The following SETD1B variants were observed in gnomAD, a reference collection of about 807,000 sequenced individuals.
SETD1B encodes the protein histone-lysine N-methyltransferase SETD1B.
Under a neutral mutation model 148.0 loss-of-function variants are expected in SETD1B, and 7 were observed. The observed-to-expected ratio is 0.05, with a 90% CI of 0.03 to 0.09. The LOEUF is 0.09. SETD1B is among the 10% of genes least tolerant of loss of function. The pLI, the probability that SETD1B is intolerant of heterozygous loss-of-function variation, is 1.00. For missense variants in SETD1B, 2,155 were observed against 2,729.9 expected (o/e 0.79, Z 4.69); for synonymous variants, 1,361 against 1,186.5 (o/e 1.15, Z -3.02).
At chr12:121,807,907 G>C (rs967150183) in intron 4 of SETD1B, among the ~76,000 whole-genome samples, 11 of 150,496 alleles carry the variant, frequency 7.3e-5, no homozygotes, top group Admixed American at 1.3e-4. Context: ...ATGCAGGGGT[G>C]GGGGGGGGCT....
chr12:121,793,123 CG>C, the SETD1B span: 4 of 1,541,338 alleles, frequency 2.6e-6, no homozygotes, highest in African/African-American at 5.5e-5. Context: ...GGCGGACCCT[CG>C]GGCCCCCCGG....
In SETD1B at chr12:121,814,297, A is replaced by C. The variant is rs1180972430; in HGVS notation, c.2082A>C (p.Pro694=). The C allele has an allele frequency of 1.6e-4, 78 of 475,942 alleles. No homozygotes were observed. Among genetic ancestry groups the C allele is most frequent in the South Asian group, 3.5e-4 (9 of 25,954 alleles). The allele number at this position is 475,942 out of a possible 1,614,324, so 29.5% of individuals were successfully genotyped here. A position where few individuals can be genotyped will look rare whatever the true frequency, so the allele number is the denominator to read the frequency against. ...GCTTCCCCCCGCTGCCCCCCCCACCACCACCACCCCCACCGCAGCCTGGCT... is the reference window on the plus strand; with the variant it reads ...GCTTCCCCCCGCTGCCCCCCCCACCCCCACCACCCCCACCGCAGCCTGGCT... ...PPGFPPLPPP[P]PPPPPQPGFP... Residue 694 remains proline (P), a synonymous_variant, in exon 7 of 17, where the codon CCA becomes CCC. Transcript: ENST00000604567.
chr12:121,804,991 C>T lies in SETD1B; in HGVS notation c.174+80C>T, dbSNP rs1875654447. On this transcript the variant is annotated intron_variant, in intron 2 of 16. Transcript: ENST00000604567. The surrounding 1 kb of genome is among the most constrained non-coding windows in gnomAD (Gnocchi z 4.6). Reference sequence around the variant, plus strand: ...CGCCTAGCGGCCAGGGACCCCCCGCCCGATCCCCCGGCCAACTGTCAGACG... The same window carrying T: ...CGCCTAGCGGCCAGGGACCCCCCGCTCGATCCCCCGGCCAACTGTCAGACG... The T allele has an allele frequency of 6.8e-7, 1 of 1,460,504 alleles. No homozygotes were observed. The highest frequency in any genetic ancestry group is 9.2e-7 in the Non-Finnish European group (1 of 1,089,480). The allele number at this position is 1,460,504 out of a possible 1,614,324, so 90.5% of individuals were successfully genotyped here. A position where few individuals can be genotyped will look rare whatever the true frequency, so the allele number is the denominator to read the frequency against.
At chr12:121,815,288 A>G (rs559053265) in intron 7 of SETD1B, among the ~76,000 whole-genome samples, 2 of 152,306 alleles carry the variant, frequency 1.3e-5, no homozygotes, top group South Asian at 4.1e-4. Context: ...ATTAACTTAA[A>G]TGAATTAAAA....
At chr12:121,812,008 C>T (rs966674571) in intron 6 of SETD1B, among the ~76,000 whole-genome samples, 5 of 152,188 alleles carry the variant, frequency 3.3e-5, no homozygotes, top group African/African-American at 1.2e-4. Context: ...ACCATGCTGA[C>T]CACGGTCCAG....
At chr12:121,806,814 A>T (rs1162332901) in intron 4 of SETD1B, among the ~76,000 whole-genome samples, 1 of 152,218 alleles carries the variant, frequency 6.6e-6, no homozygotes, top group Non-Finnish European at 1.5e-5. Context: ...TGGGGAGGCC[A>T]TACCTCCCAC....
At chr12:121,797,887 T>C in the SETD1B span, 4 of 331,298 alleles carry the variant, frequency 1.2e-5, no homozygotes, top group African/African-American at 8.7e-5. Flanking sequence ...TTTCGCCCTC[T>C]TGCTGTACTT....
At chr12:121,798,053 G>A in the SETD1B span, among the ~76,000 whole-genome samples, 1 of 152,220 alleles carries the variant, frequency 6.6e-6, no homozygotes, top group Non-Finnish European at 1.5e-5. Flanking sequence ...CCCGGGCAGG[G>A]ATGCCAGCAG....
intron 16 of SETD1B, 98 bp downstream of exon 16, chr12:121,828,168 C>T (rs746230129): frequency 4.0e-5 from 59 of 1,463,852 alleles, no homozygotes; most frequent in Non-Finnish European, 4.8e-5. Flanking sequence ...GGAATCAGCT[C>T]GGCCTCCTTC....
In SETD1B at chr12:121,809,978, G is replaced by A. The variant is rs566347570; in HGVS notation, c.1033G>A (p.Ala345Thr). The A allele has an allele frequency of 5.8e-6, 9 of 1,550,828 alleles. No homozygotes were observed. The highest frequency in any genetic ancestry group is 3.3e-4 in the Middle Eastern group (2 of 5,990). Reference sequence around the variant, plus strand: ...CACTGCGGTGGCCGGGGCCACAGCCGCTTTCCGGGGTTCCTCGGACCTCCC... The same window carrying A: ...CACTGCGGTGGCCGGGGCCACAGCCACTTTCCGGGGTTCCTCGGACCTCCC... Reference protein sequence around the residue: ...AVTAVAGATAAFRGSSDLPFG... With the variant: ...AVTAVAGATATFRGSSDLPFG... Residue 345 changes from alanine (A) to threonine (T), a missense_variant, in exon 6 of 17, where the codon GCT (alanine) becomes ACT (threonine). This residue lies in a region of SETD1B where 376 missense variants were observed against 385.0 expected (regional missense o/e 0.98). Coordinates refer to ENST00000604567, the MANE Select transcript of SETD1B (RefSeq NM_001353345.2).
chr12:121,815,497 T>G (rs1876249192), intron 7 of SETD1B, among the ~76,000 whole-genome samples: 1 of 151,992 alleles, frequency 6.6e-6, no homozygotes, highest in South Asian at 2.1e-4. Flanking sequence ...AGCCCTGTCT[T>G]GGACCACTTT....
chr12:121,808,397 CTCT>C lies in SETD1B; in HGVS notation c.657+79_657+81del. The C allele has an allele frequency of 1.1e-6, 1 of 944,964 alleles. No individual in the cohort carries two copies. The highest frequency in any genetic ancestry group is 1.6e-6 in the Non-Finnish European group (1 of 615,194). The allele number at this position is 944,964 out of a possible 1,614,324, so 58.5% of individuals were successfully genotyped here. A position where few individuals can be genotyped will look rare whatever the true frequency, so the allele number is the denominator to read the frequency against. On this transcript the variant is annotated intron_variant, in intron 5 of 16. Transcript: ENST00000604567. The surrounding 1 kb of genome is among the most constrained non-coding windows in gnomAD (Gnocchi z 5.3). ...CCACCTCTGGAAAGCCTCACCAACT[CTCT>C]TATGGGACCCCCAGCCTACCCCCAC...
Position 121,804,543 on chromosome 12 carries a change from C to T in SETD1B, c.-14-181C>T, listed in dbSNP as rs903625717. Among the ~76,000 whole-genome samples the T allele has an allele frequency of 8.0e-5, 12 of 150,728 alleles. No individual in the cohort carries two copies. The highest frequency in any genetic ancestry group is 2.7e-4 in the African/African-American group (11 of 41,006). On this transcript the variant is annotated intron_variant, in intron 1 of 16. Coordinates refer to ENST00000604567, the MANE Select transcript of SETD1B (RefSeq NM_001353345.2). The surrounding 1 kb of genome is among the most constrained non-coding windows in gnomAD (Gnocchi z 4.6). ...CGAGCGGGCGGGCGCGTAATTCTCC[C>T]GGAAGGGTTATTCTCTCGCTCCATT...
chr12:121,817,916 G>C lies in SETD1B; in HGVS notation c.3418+12G>C, dbSNP rs1346358067. On this transcript the variant is annotated intron_variant, in intron 10 of 16. Transcript: ENST00000604567. This position sits in a 1 kb window ranked among gnomAD's most constrained non-coding sequence, Gnocchi z 8.1. Reference sequence around the variant, plus strand: ...GGACTCGGATGAAGGTGAGCAGGGAGGCCGTGGCTGCCTGGCCCTCCCGGA... The same window carrying C: ...GGACTCGGATGAAGGTGAGCAGGGACGCCGTGGCTGCCTGGCCCTCCCGGA... 6.6e-7 allele frequency: 1 copy of C among 1,525,222 alleles called. No homozygotes were observed. Among genetic ancestry groups the C allele is most frequent in the East Asian group, 2.5e-5 (1 of 40,512 alleles). The allele number at this position is 1,525,222 out of a possible 1,614,324, so 94.5% of individuals were successfully genotyped here.
intron 4 of SETD1B, among the ~76,000 whole-genome samples, chr12:121,807,564 CTT>C (rs1412950208): frequency 6.6e-6 from 1 of 151,952 alleles, no homozygotes; most frequent in East Asian, 1.9e-4. Context: ...AGGAACGTGT[CTT>C]TTTTGCATAT....
chr12:121,825,150 GAC>G, intron 12 of SETD1B, 48 bp from the exon 13 acceptor site: 1 of 1,536,378 alleles, frequency 6.5e-7, no homozygotes, highest in Non-Finnish European at 8.8e-7. Context: ...TCTATGAAGG[GAC>G]CAGAAGGGGC....
rs1875865649 is a variant in SETD1B, at chr12:121,808,714, C to T, written c.657+394C>T. Among the ~76,000 whole-genome samples, 1 of 152,210 alleles carries T rather than the reference C, an allele frequency of 6.6e-6. No homozygotes were observed. The highest frequency in any genetic ancestry group is 6.5e-5 in the Admixed American group (1 of 15,286). ...TGCCACTACCCCTAAACCCAGAAAC[C>T]AGAGTTCATGCCCTGCCTTCCAGAG... On this transcript the variant is annotated intron_variant, in intron 5 of 16. Transcript: ENST00000604567. This position sits in a 1 kb window ranked among gnomAD's most constrained non-coding sequence, Gnocchi z 5.3.
Position 121,810,442 on chromosome 12 carries a change from G to T in SETD1B, c.1497G>T (p.Leu499=). 1 of 1,549,254 alleles carries T rather than the reference G, an allele frequency of 6.5e-7. No homozygotes were observed. The highest frequency in any genetic ancestry group is 1.2e-5 in the South Asian group (1 of 84,070). ...PAGPEKPHDS[L]DSRIEMLLKE... ...GGCCAGAGAAACCCCACGACAGCCTGGACTCGCGCATCGAGATGCTGCTGA... is the reference window on the plus strand; with the variant it reads ...GGCCAGAGAAACCCCACGACAGCCTTGACTCGCGCATCGAGATGCTGCTGA... The change falls in exon 6 of 17, where the codon CTG becomes CTT. Residue 499 remains leucine (L), a synonymous_variant. Coordinates refer to ENST00000604567, the MANE Select transcript of SETD1B (RefSeq NM_001353345.2). The surrounding 1 kb of genome is among the most constrained non-coding windows in gnomAD (Gnocchi z 7.6).
chr12:121,793,799 C>T, the SETD1B span: 3 of 559,762 alleles, frequency 5.4e-6, no homozygotes, highest in Non-Finnish European at 8.9e-6. Context: ...CTGCTAAGGT[C>T]TCAGCCCTGG....
Sources: allele counts gnomAD v4.1 joint callset (sites outside exome capture counted in the v4.1 genomes callset), GRCh38; gene constraint gnomAD v4.1.1; regional missense constraint gnomAD v4.1.1; non-coding constraint Gnocchi (gnomAD v3.1); transcripts MANE v1.5; gene names NCBI Gene and HGNC (gene_info 2026-07-23, HGNC 2026-07-21).